LRRC75A: variants seen among roughly 807,000 people sequenced by gnomAD.
LRRC75A encodes the protein leucine-rich repeat-containing protein 75A.
A neutral mutation model predicts 26.0 loss-of-function variants in LRRC75A; 12 were observed. That is an observed-to-expected ratio of 0.46 (90% confidence interval 0.30 to 0.75). LRRC75A has a LOEUF of 0.75. LRRC75A is among the 30% of genes least tolerant of loss of function. The pLI is 0.08. For synonymous variants in LRRC75A, 223 were observed against 219.3 expected (o/e 1.02, Z -0.15); for missense variants, 410 against 486.6 (o/e 0.84, Z 1.48).
intron 1 of LRRC75A, among the ~76,000 whole-genome samples, chr17:16,480,989 T>C (rs2093832664): frequency 6.6e-6 from 1 of 152,192 alleles, no homozygotes; most frequent in Non-Finnish European, 1.5e-5. Flanking sequence ...CCACTCCTTG[T>C]CTCTGGGCTG....
Position 16,441,664 on chromosome 17 carries a change from C to T in LRRC75A, c.*1924G>A, listed in dbSNP as rs2093526168. On this transcript the variant is annotated 3_prime_UTR_variant, in exon 4 of 4. Transcript: ENST00000470794. ...TCACAGCTCATTGCATCCTCAATCA[C>T]CCAGGCCTAAGCAATCCTCCCACCT... The T allele has an allele frequency of 3.0e-6, 1 of 331,718 alleles. No individual in the cohort carries two copies. Among genetic ancestry groups the T allele is most frequent in the Admixed American group, 4.2e-5 (1 of 23,596 alleles). 20.5% of individuals were successfully genotyped at this position (331,718 alleles called of 1,614,324 possible).
chr17:16,443,741 G>C lies in LRRC75A; in HGVS notation c.882C>G (p.His294Gln). The C allele has an allele frequency of 6.2e-7, 1 of 1,613,722 alleles. No individual in the cohort carries two copies. The highest frequency in any genetic ancestry group is 8.5e-7 in the Non-Finnish European group (1 of 1,179,732). ...CACCCAGCTCCAGGATGGTGGGTAG[G>C]TGGCCCTGCTTTGGGGAGCGCTTGC... The part of the protein sequence containing the change: ...SLRKRSPKQG[H>Q]LPTILELGEG... The change falls in exon 4 of 4, where the codon CAC becomes CAG. Residue 294 changes from histidine (H) to glutamine (Q), a missense_variant. By Grantham distance (24) the His-to-Gln change is conservative. Coordinates refer to ENST00000470794, the MANE Select transcript of LRRC75A (RefSeq NM_001113567.3).
At chr17:16,472,695 C>G (rs138651740) in intron 1 of LRRC75A, among the ~76,000 whole-genome samples, 8 of 152,300 alleles carry the variant, frequency 5.3e-5, no homozygotes, top group African/African-American at 1.9e-4. Context: ...GATTGGCCTT[C>G]CAATCCCCAT....
chr17:16,451,838 G>A (rs12936486), intron 2 of LRRC75A, among the ~76,000 whole-genome samples: 39,286 of 149,378 alleles, frequency 0.26, 6,475 homozygotes, highest in Non-Finnish European at 0.35. Flanking sequence ...TCCGCCTCCC[G>A]GGTTCACGCC....
intron 1 of LRRC75A, among the ~76,000 whole-genome samples, chr17:16,478,195 T>C (rs2093825620): frequency 6.6e-6 from 1 of 150,606 alleles, no homozygotes; most frequent in African/African-American, 2.4e-5. Context: ...TTTTTTCTTT[T>C]TTTTTTTTTT....
intron 2 of LRRC75A, chr17:16,460,945 G>C (rs1027664702): frequency 6.6e-6 from 1 of 152,506 alleles, no homozygotes; most frequent in African/African-American, 2.4e-5. Flanking sequence ...GCCCCAGCCA[G>C]CTCCCTGTGG....
At chr17:16,477,758 T>C (rs745956122) in intron 1 of LRRC75A, among the ~76,000 whole-genome samples, 1 of 152,114 alleles carries the variant, frequency 6.6e-6, no homozygotes, top group Non-Finnish European at 1.5e-5. Context: ...AGGGCCCTGC[T>C]TCTCAGGGCC....
intron 2 of LRRC75A, among the ~76,000 whole-genome samples, chr17:16,455,014 C>A (rs1423242032): frequency 6.6e-6 from 1 of 151,978 alleles, no homozygotes; most frequent in Admixed American, 6.6e-5. Context: ...CTCATTGCAA[C>A]CTCCGTCTCC....
intron 1 of LRRC75A, among the ~76,000 whole-genome samples, chr17:16,476,987 CT>C (rs2093822370): frequency 1.3e-5 from 2 of 151,456 alleles, no homozygotes; most frequent in South Asian, 4.2e-4. Context: ...ATCCGCCCGC[CT>C]TGGCCTCCCA....
At chr17:16,487,349 T>G (rs991057995) in intron 1 of LRRC75A, among the ~76,000 whole-genome samples, 1 of 152,366 alleles carries the variant, frequency 6.6e-6, no homozygotes, top group Non-Finnish European at 1.5e-5. Context: ...GAGGTCATTA[T>G]GCTCATCTTT....
intron 2 of LRRC75A, among the ~76,000 whole-genome samples, chr17:16,450,854 T>C (rs928290695): frequency 6.6e-6 from 1 of 152,034 alleles, no homozygotes; most frequent in Non-Finnish European, 1.5e-5. Context: ...CTGACTGATA[T>C]GCTGGATGGA....
chr17:16,469,244 C>T (rs986662833), intron 1 of LRRC75A, among the ~76,000 whole-genome samples: 3 of 152,172 alleles, frequency 2.0e-5, no homozygotes, highest in Non-Finnish European at 1.5e-5. Context: ...GATTGTAAGT[C>T]GCCTAGCATT....
chr17:16,445,556 T>G (rs1372690558), intron 3 of LRRC75A, among the ~76,000 whole-genome samples: 1 of 152,184 alleles, frequency 6.6e-6, no homozygotes, highest in African/African-American at 2.4e-5. Context: ...TGTCAACAGC[T>G]CAAAGGTCAT....
chr17:16,488,636 G>T (rs1411277194), intron 1 of LRRC75A, among the ~76,000 whole-genome samples: 1 of 152,218 alleles, frequency 6.6e-6, no homozygotes, highest in Non-Finnish European at 1.5e-5. Flanking sequence ...AGGACCGGAA[G>T]GCGAGCTGCC....
Position 16,485,631 on chromosome 17 carries a change from A to AGTGTGTGTGTGT in LRRC75A, c.246+6102_246+6113dup, listed in dbSNP as rs35125617. 8.1e-3 allele frequency among the ~76,000 whole-genome samples: 1,038 copies of AGTGTGTGTGTGT among 128,430 alleles called. 22 individuals are homozygous for AGTGTGTGTGTGT. Among genetic ancestry groups the AGTGTGTGTGTGT allele is most frequent in the African/African-American group, 0.03 (956 of 31,620 alleles). 84.3% of individuals were successfully genotyped at this position (128,430 alleles called of 152,430 possible). A position where few individuals can be genotyped will look rare whatever the true frequency, so the allele number is the denominator to read the frequency against. Reference sequence around the variant, plus strand: ...ACAGCCAGGAGGAGCCAGGACAAGCAGTGTGTGTGTGTGTGTGTGTGTGTG... The same window carrying AGTGTGTGTGTGT: ...ACAGCCAGGAGGAGCCAGGACAAGCAGTGTGTGTGTGTGTGTGTGTGTGTGTGTGTGTGTGTG... On this transcript the variant is annotated intron_variant, in intron 1 of 3. Transcript: ENST00000470794.
chr17:16,470,021 G>C (rs1461311106), intron 1 of LRRC75A, among the ~76,000 whole-genome samples: 1 of 152,172 alleles, frequency 6.6e-6, no homozygotes, highest in African/African-American at 2.4e-5. Context: ...GAGGAAGGCT[G>C]CATTGTGTCT....
At chr17:16,460,447 G>A (rs2093719097) in intron 2 of LRRC75A, among the ~76,000 whole-genome samples, 1 of 152,072 alleles carries the variant, frequency 6.6e-6, no homozygotes, top group Non-Finnish European at 1.5e-5. Flanking sequence ...CCACTCCCTG[G>A]CCTGCCTCTC....
chr17:16,490,273 A>T (rs1421753232), intron 1 of LRRC75A, among the ~76,000 whole-genome samples: 1 of 150,418 alleles, frequency 6.6e-6, no homozygotes, highest in African/African-American at 2.5e-5. Flanking sequence ...TATGGTGTGT[A>T]AATAGGATAC....
rs1175446028 is a variant in LRRC75A, at chr17:16,442,177, CATTTAAGGCCTCCTCA to C, written c.*1395_*1410del. ...TTAGACTGAAGGCAAAAGCTCAAAGCATTTAAGGCCTCCTCAATTTCGGCCCCTGCTGCTCTGTGCT... is the reference window on the plus strand; with the variant it reads ...TTAGACTGAAGGCAAAAGCTCAAAGCATTTCGGCCCCTGCTGCTCTGTGCT... On this transcript the variant is annotated 3_prime_UTR_variant, in exon 4 of 4. Coordinates refer to ENST00000470794, the MANE Select transcript of LRRC75A (RefSeq NM_001113567.3). 1 of 152,302 alleles carries C rather than the reference CATTTAAGGCCTCCTCA, an allele frequency of 6.6e-6. No homozygotes were observed. Among genetic ancestry groups the C allele is most frequent in the African/African-American group, 2.4e-5 (1 of 41,460 alleles). The allele number at this position is 152,302 out of a possible 1,614,324, so 9.4% of individuals were successfully genotyped here.
Sources: allele counts gnomAD v4.1 joint callset (sites outside exome capture counted in the v4.1 genomes callset), GRCh38; gene constraint gnomAD v4.1.1; transcripts MANE v1.5; gene names NCBI Gene and HGNC (gene_info 2026-07-23, HGNC 2026-07-21).